The following LRRFIP1 variants were observed in gnomAD, a reference collection of about 807,000 sequenced individuals.
The protein encoded by LRRFIP1 is LRR binding FLII interacting protein 1, also known as leucine-rich repeat flightless-interacting protein 1.
LRRFIP1 carries 62 observed loss-of-function variants against 104.4 expected under a neutral mutation model. The ratio of observed to expected loss-of-function variants is 0.59; its 90% CI spans 0.48 to 0.73. LRRFIP1 has a LOEUF of 0.73. Among genes scored for constraint, LRRFIP1 ranks in the 30% least tolerant of loss-of-function variants. LRRFIP1 has a pLI of 0.00. For missense variants in LRRFIP1, 796 were observed against 824.5 expected (o/e 0.97, Z 0.42); for synonymous variants, 300 against 299.0 (o/e 1.00, Z -0.03).
chr2:237,680,653 C>A (rs2091706674), intron 1 of LRRFIP1, among the ~76,000 whole-genome samples: 1 of 152,178 alleles, frequency 6.6e-6, no homozygotes, highest in Non-Finnish European at 1.5e-5. Context: ...CAAATAAAAT[C>A]TCAGTTTAGA....
Position 237,763,457 on chromosome 2 carries a change from C to G in LRRFIP1, c.1459+3252C>G, listed in dbSNP as rs913564960. The G allele has an allele frequency of 3.7e-6, 6 of 1,613,248 alleles. No individual in the cohort carries two copies. In the African/African-American group the frequency reaches 8.0e-5, roughly 22 times the overall value. On this transcript the variant is annotated intron_variant, in intron 19 of 23. Coordinates refer to ENST00000308482, the MANE Select transcript of LRRFIP1 (RefSeq NM_001137550.2). ...AAAGAAAAACAAGAAGAAAAAATCC[C>G]CAGTACCCGTAGAAACCCTTAAAGA...
chr2:237,770,077 A>G (rs1384510260), intron 20 of LRRFIP1, 85 bp downstream of exon 20: 1 of 1,083,128 alleles, frequency 9.2e-7, no homozygotes, highest in East Asian at 2.5e-5. Flanking sequence ...TTACTCAGAA[A>G]ACCCCTAAGT....
At chr2:237,646,982 T>G (rs1216198943) in intron 1 of LRRFIP1, among the ~76,000 whole-genome samples, 3 of 152,016 alleles carry the variant, frequency 2.0e-5, no homozygotes, top group Non-Finnish European at 4.4e-5. Flanking sequence ...TTTTTCCTTC[T>G]AATAGTTTTG....
At chr2:237,721,032 GTTTC>G (rs1430872832) in intron 6 of LRRFIP1, 8 of 518,136 alleles carry the variant, frequency 1.5e-5, no homozygotes, top group Non-Finnish European at 1.4e-5. Context: ...CACGTTGGTT[GTTTC>G]TTTCTCCCGA....
At chr2:237,739,108 C>T (rs1199977411) in intron 10 of LRRFIP1, 124 bp from the exon 11 acceptor site, 21 of 723,636 alleles carry the variant, frequency 2.9e-5, no homozygotes, top group Middle Eastern at 3.6e-4. Flanking sequence ...TTTTCCTTGC[C>T]GTGCGTGGCT....
intron 1 of LRRFIP1, among the ~76,000 whole-genome samples, chr2:237,675,938 C>T (rs1291725605): frequency 2.0e-5 from 3 of 152,192 alleles, no homozygotes; most frequent in Non-Finnish European, 4.4e-5. Context: ...TGGCCCTTTT[C>T]TTATAATGTA....
At chr2:237,670,492 G>A (rs193300759) in intron 1 of LRRFIP1, among the ~76,000 whole-genome samples, 33 of 152,356 alleles carry the variant, frequency 2.2e-4, no homozygotes, top group South Asian at 6.2e-4. Flanking sequence ...CTGCTGAGCT[G>A]AATTGAAGCT....
intron 11 of LRRFIP1, among the ~76,000 whole-genome samples, chr2:237,740,717 C>T (rs1457579406): frequency 1.3e-5 from 2 of 152,142 alleles, no homozygotes; most frequent in Non-Finnish European, 2.9e-5. Flanking sequence ...TCAGCAAATG[C>T]AGGTATCAGC....
chr2:237,753,510 A>T (rs1458926905), intron 15 of LRRFIP1, 31 bp downstream of exon 15: 1 of 1,532,846 alleles, frequency 6.5e-7, no homozygotes, highest in African/African-American at 1.4e-5. Context: ...GAATGTTAAC[A>T]ATAGGCTGCG....
intron 14 of LRRFIP1, 58 bp downstream of exon 14, chr2:237,751,329 A>C (rs2058603539): frequency 1.5e-6 from 2 of 1,354,586 alleles, no homozygotes; most frequent in Non-Finnish European, 2.0e-6. Context: ...TTAAAAAAAA[A>C]AACAACATCC....
Position 237,753,363 on chromosome 2 carries a change from C to T in LRRFIP1, c.922C>T (p.Gln308Ter). The change falls in exon 15 of 24, where the codon CAG (glutamine) becomes TAG (stop). Residue 308 changes from glutamine to a stop codon, truncating the protein, a stop_gained. Transcript: ENST00000308482. LOFTEE classifies it high-confidence loss of function. ...TAAGAAGGCTATGGTTTCCAATGCT[C>T]AGCTAGACAATGAAAAGACAAACTT... ...KYKKAMVSNA[Q>*]LDNEKTNFMY... 1.2e-6 allele frequency: 2 copies of T among 1,607,270 alleles called. No individual in the cohort carries two copies. Among genetic ancestry groups the T allele is most frequent in the Non-Finnish European group, 1.7e-6 (2 of 1,178,448 alleles).
Position 237,757,515 on chromosome 2 carries a change from G to T in LRRFIP1, c.1191G>T (p.Gln397His). Reference protein sequence around the residue: ...ASSIREISDLQETIEWKDKKI... With the variant: ...ASSIREISDLHETIEWKDKKI... ...CTATCAGGGAGATTTCTGATCTTCAGGAAACAATAGAGTGGAAAGACAAAA... is the reference window on the plus strand; with the variant it reads ...CTATCAGGGAGATTTCTGATCTTCATGAAACAATAGAGTGGAAAGACAAAA... The change falls in exon 17 of 24, where the codon CAG becomes CAT. Residue 397 changes from glutamine (Q) to histidine (H), a missense_variant. By Grantham distance (24) the Gln-to-His change is conservative (BLOSUM62 0). Coordinates refer to ENST00000308482, the MANE Select transcript of LRRFIP1 (RefSeq NM_001137550.2). 6.3e-7 allele frequency: 1 copy of T among 1,591,522 alleles called. No homozygotes were observed. The highest frequency in any genetic ancestry group is 1.2e-5 in the South Asian group (1 of 86,908).
intron 7 of LRRFIP1, among the ~76,000 whole-genome samples, chr2:237,724,233 A>G (rs1334904768): frequency 6.6e-6 from 1 of 152,244 alleles, no homozygotes; most frequent in Non-Finnish European, 1.5e-5. Flanking sequence ...CTCAGAAAGC[A>G]CAGCTCAGCA....
At position 237,765,009 on chromosome 2, in the gene LRRFIP1, C is replaced by G. The variant is rs2060164150; in HGVS notation, c.1459+4804C>G. 5 of 975,044 alleles carry G rather than the reference C, an allele frequency of 5.1e-6. No individual in the cohort carries two copies. The South Asian group carries it at 1.9e-4, about 37-fold the overall frequency. The allele number at this position is 975,044 out of a possible 1,614,324, so 60.4% of individuals were successfully genotyped here. A position where few individuals can be genotyped will look rare whatever the true frequency, so the allele number is the denominator to read the frequency against. On this transcript the variant is annotated intron_variant, in intron 19 of 23. Transcript: ENST00000308482. ...GGGCGTGGTGGCTCATGCCTGTAATCTCAGTACATTGGGAGGCCAAGGCAG... is the reference window on the plus strand; with the variant it reads ...GGGCGTGGTGGCTCATGCCTGTAATGTCAGTACATTGGGAGGCCAAGGCAG...
intron 7 of LRRFIP1, among the ~76,000 whole-genome samples, chr2:237,727,483 T>C (rs2094806121): frequency 1.3e-5 from 2 of 151,960 alleles, no homozygotes; most frequent in Admixed American, 6.5e-5. Context: ...GCTGAATCAC[T>C]ACCCATCGGC....
intron 1 of LRRFIP1, among the ~76,000 whole-genome samples, chr2:237,696,422 G>A (rs1002013825): frequency 4.6e-5 from 7 of 152,108 alleles, no homozygotes; most frequent in African/African-American, 9.7e-5. Flanking sequence ...TCTTCTCATC[G>A]TGCTTCTAAA....
At position 237,691,495 on chromosome 2, in the gene LRRFIP1, G is replaced by T. The variant is rs1235349030; in HGVS notation, c.97-17049G>T. Among the ~76,000 whole-genome samples, 1 of 152,132 alleles carries T rather than the reference G, an allele frequency of 6.6e-6. No homozygotes were observed. The highest frequency in any genetic ancestry group is 2.4e-5 in the African/African-American group (1 of 41,426). On this transcript the variant is annotated intron_variant, in intron 1 of 23. Transcript: ENST00000308482. The surrounding 1 kb of genome is among the most constrained non-coding windows in gnomAD (Gnocchi z 5.4). ...CTGCGGGCCGCCGCACCGGGCCAAG[G>T]GGGGCTGTGTGCACGCAGCTGCGTC...
chr2:237,745,280 C>T (rs2150544950), intron 11 of LRRFIP1, among the ~76,000 whole-genome samples: 1 of 152,260 alleles, frequency 6.6e-6, no homozygotes, highest in South Asian at 2.1e-4. Flanking sequence ...AATCCTTTTT[C>T]ATTCGGAAGA....
chr2:237,641,033 A>G (rs1174963747), intron 1 of LRRFIP1, among the ~76,000 whole-genome samples: 1 of 152,184 alleles, frequency 6.6e-6, no homozygotes, highest in Non-Finnish European at 1.5e-5. Context: ...GAAAACACCC[A>G]CATACACTGT....
Sources: allele counts gnomAD v4.1 joint callset (sites outside exome capture counted in the v4.1 genomes callset), GRCh38; gene constraint gnomAD v4.1.1; non-coding constraint Gnocchi (gnomAD v3.1); transcripts MANE v1.5; gene names NCBI Gene and HGNC (gene_info 2026-07-23, HGNC 2026-07-21).